The following COL6A6 variants were observed in gnomAD, a reference collection of about 807,000 sequenced individuals.
The protein encoded by COL6A6 is collagen type VI alpha 6 chain.
COL6A6 carries 183 observed loss-of-function variants against 208.6 expected under a neutral mutation model. That is an observed-to-expected ratio of 0.88 (90% CI 0.78 to 0.99). The LOEUF is 0.99. Ranked by LOEUF, COL6A6 falls within the 50% of genes least tolerant of loss-of-function variation. The pLI, the probability that COL6A6 is intolerant of heterozygous loss-of-function variation, is 0.00. For synonymous variants in COL6A6, 973 were observed against 1,011.8 expected, an observed-to-expected ratio of 0.96 and a Z score of 0.73; for missense variants, 2,816 against 2,815.2, an observed-to-expected ratio of 1.00 and a Z score of -0.01.
At chr3:130,629,060 G>A (rs1209682116) in intron 26 of COL6A6, among the ~76,000 whole-genome samples, 1 of 57,384 alleles carries the variant, frequency 1.7e-5, no homozygotes, top group Non-Finnish European at 2.7e-5. Context: ...TGATTTTGAC[G>A]AGCTGAGAGA....
intron 20 of COL6A6, among the ~76,000 whole-genome samples, chr3:130,605,250 TA>T (rs2064147905): frequency 6.6e-6 from 1 of 152,194 alleles, no homozygotes; most frequent in Admixed American, 6.5e-5. Context: ...TTGCTTTCTT[TA>T]AAACTTGTAT....
chr3:130,622,590 G>T, intron 24 of COL6A6, among the ~76,000 whole-genome samples: 1 of 152,144 alleles, frequency 6.6e-6, no homozygotes, highest in East Asian at 1.9e-4. Context: ...GGGCGTGGTG[G>T]CTCACGCCTG....
intron 3 of COL6A6, 126 bp downstream of exon 3, chr3:130,563,790 C>T (rs2062952767): frequency 3.0e-6 from 2 of 656,714 alleles, no homozygotes; most frequent in Non-Finnish European, 5.2e-6. Flanking sequence ...ATGTTATGTA[C>T]CCATCGTTTA....
chr3:130,592,026 T>C (rs954623309), intron 13 of COL6A6, among the ~76,000 whole-genome samples: 1 of 152,164 alleles, frequency 6.6e-6, no homozygotes, highest in Non-Finnish European at 1.5e-5. Context: ...GGAAGATATA[T>C]GTGGCAAGTA....
intron 10 of COL6A6, 23 bp from the exon 11 acceptor site, chr3:130,586,483 A>G (rs779144166): frequency 4.7e-5 from 75 of 1,587,604 alleles, no homozygotes; most frequent in Non-Finnish European, 6.2e-5. Flanking sequence ...CTCACCTGGA[A>G]CATTGTAAAC....
chr3:130,580,605 A>G (rs2063396193), intron 8 of COL6A6, among the ~76,000 whole-genome samples: 1 of 152,206 alleles, frequency 6.6e-6, no homozygotes, highest in South Asian at 2.1e-4. Context: ...ACAACCACTC[A>G]TTTTATCAAG....
intron 20 of COL6A6, among the ~76,000 whole-genome samples, chr3:130,603,862 G>T (rs2064100236): frequency 1.3e-5 from 2 of 151,936 alleles, no homozygotes; most frequent in Admixed American, 1.3e-4. Flanking sequence ...CTAGGAAATT[G>T]GGCCCTGTAA....
rs764994836 is a variant in COL6A6 at position 130,594,314 on chromosome 3, C to T, written c.4504C>T (p.Arg1502Cys). 29 of 1,613,176 alleles carry T rather than the reference C, an allele frequency of 1.8e-5. No homozygotes were observed. The highest frequency in any genetic ancestry group is 8.9e-5 in the East Asian group (4 of 44,874). ...SPGKRGTPGDRGAKGLRGDPG... is the reference protein window; with the variant it reads ...SPGKRGTPGDCGAKGLRGDPG... Reference sequence around the variant, plus strand: ...AGGGAAGAGAGGGACTCCTGGTGACCGTGGAGCAAAGGGCCTGCGAGGGGA... The same window carrying T: ...AGGGAAGAGAGGGACTCCTGGTGACTGTGGAGCAAAGGGCCTGCGAGGGGA... Residue 1502 changes from arginine (R) to cysteine (C), a missense_variant, in exon 18 of 37, where the codon CGT becomes TGT. Coordinates refer to ENST00000358511, the MANE Select transcript of COL6A6 (RefSeq NM_001102608.3).
intron 4 of COL6A6, among the ~76,000 whole-genome samples, chr3:130,566,395 C>T (rs944153843): frequency 5.3e-5 from 8 of 152,110 alleles, no homozygotes; most frequent in Non-Finnish European, 1.2e-4. Context: ...TTTTGCTAAG[C>T]AGTTATTTAC....
rs943386839 is a variant in COL6A6, at chr3:130,571,504, C to T, written c.2977+111C>T. ...TTTTCCAGAGAGGAGAGAAGGAGCT[C>T]TAATTGTTTCATAGGACTTTCTATA... On this transcript the variant is annotated intron_variant, in intron 7 of 36. Transcript: ENST00000358511. 290 of 719,650 alleles carry T rather than the reference C, an allele frequency of 4.0e-4. 4 individuals carry two copies. The highest frequency in any genetic ancestry group is 2.9e-3 in the South Asian group (141 of 48,072). 44.6% of individuals were successfully genotyped at this position (719,650 alleles called of 1,614,324 possible). A position where few individuals can be genotyped will look rare whatever the true frequency, so the allele number is the denominator to read the frequency against.
At chr3:130,547,798 A>G (rs929190748) in intron 1 of COL6A6, among the ~76,000 whole-genome samples, 5 of 151,958 alleles carry the variant, frequency 3.3e-5, no homozygotes, top group African/African-American at 1.2e-4. Context: ...TAGTTGTTTT[A>G]TTTATTTATT....
chr3:130,575,720 T>G (rs73868916), intron 8 of COL6A6, among the ~76,000 whole-genome samples: 10,997 of 152,102 alleles, frequency 0.072, 1,327 homozygotes, highest in African/African-American at 0.25. Flanking sequence ...GGGGAACAAC[T>G]AAAAGGGTAC....
Position 130,565,457 on chromosome 3 carries a change from G to A in COL6A6, c.1125G>A (p.Leu375=). The A allele has an allele frequency of 2.5e-6, 4 of 1,613,916 alleles. No individual in the cohort carries two copies. Among genetic ancestry groups the A allele is most frequent in the Middle Eastern group, 1.6e-4 (1 of 6,062 alleles). Residue 375 remains leucine, a synonymous_variant, in exon 4 of 37, where the codon TTG becomes TTA. Coordinates refer to ENST00000358511, the MANE Select transcript of COL6A6 (RefSeq NM_001102608.3). ...LGIEGASDTQ[L]EKIASHPAEQ... ...TAGAGGGCGCCAGCGACACCCAGTT[G>A]GAAAAGATAGCATCCCACCCTGCTG...
At position 130,567,132 on chromosome 3, in the gene COL6A6, GA is replaced by G. The variant is rs1560000858; in HGVS notation, c.1714del (p.Ile572SerfsTer9). ...EEHIRVYAIG[I>X]KEANQTQLRE... Reference sequence around the variant, plus strand: ...AGCACATCCGAGTTTATGCTATCGGGATCAAGGAGGCCAACCAAACACAGCT... The same window carrying G: ...AGCACATCCGAGTTTATGCTATCGGGTCAAGGAGGCCAACCAAACACAGCT... On this transcript the variant is annotated frameshift_variant, in exon 5 of 37. Transcript: ENST00000358511. LOFTEE classifies it high-confidence loss of function. 1 of 1,614,006 alleles carries G rather than the reference GA, an allele frequency of 6.2e-7. No homozygotes were observed. The highest frequency in any genetic ancestry group is 1.7e-5 in the Admixed American group (1 of 60,026).
Position 130,593,235 on chromosome 3 carries a change from G to A in COL6A6, c.4453G>A (p.Gly1485Arg), listed in dbSNP as rs557975446. Residue 1485 changes from glycine (G) to arginine (R), a missense_variant, in exon 17 of 37, where the codon GGA becomes AGA. Coordinates refer to ENST00000358511, the MANE Select transcript of COL6A6 (RefSeq NM_001102608.3). ...NGLPGRKGEK[G>R]DEGSQGSPGK... Reference sequence around the variant, plus strand: ...TCTTCCTGGAAGAAAAGGAGAAAAGGGAGATGAGGGATCTCAGGTAGGGAT... The same window carrying A: ...TCTTCCTGGAAGAAAAGGAGAAAAGAGAGATGAGGGATCTCAGGTAGGGAT... The A allele has an allele frequency of 3.1e-6, 5 of 1,612,438 alleles. No individual in the cohort carries two copies. The African/African-American group carries it at 6.7e-5, about 22-fold the overall frequency.
chr3:130,560,485 G>A, intron 2 of COL6A6, 57 bp downstream of exon 2: 1 of 1,430,148 alleles, frequency 7.0e-7, no homozygotes, highest in Admixed American at 1.9e-5. Context: ...GATAATACAT[G>A]AGTTTGACCT....
intron 27 of COL6A6, among the ~76,000 whole-genome samples, chr3:130,635,346 G>T (rs945366637): frequency 2.6e-5 from 4 of 152,220 alleles, no homozygotes; most frequent in Non-Finnish European, 5.9e-5. Context: ...TAGATAACTA[G>T]TTAGCAATGA....
At chr3:130,545,580 A>C (rs927496164) in intron 1 of COL6A6, among the ~76,000 whole-genome samples, 5 of 151,410 alleles carry the variant, frequency 3.3e-5, no homozygotes, top group African/African-American at 9.7e-5. Context: ...CAGCCTCCTG[A>C]GTAGCTGGGA....
rs367687833 is a variant in COL6A6, at chr3:130,643,017, C to T, written c.5221C>T (p.Arg1741Cys). The T allele has an allele frequency of 8.7e-6, 14 of 1,613,480 alleles. No homozygotes were observed. In the African/African-American group the frequency reaches 1.2e-4, roughly 14 times the overall value. ...TGAGCTCATTCAGTATGTGCGAGACCGCAGTCGTAAGTACCCTGCTTAAAA... is the reference window on the plus strand; with the variant it reads ...TGAGCTCATTCAGTATGTGCGAGACTGCAGTCGTAAGTACCCTGCTTAAAA... ...TCELIQYVRD[R>C]SPGRHGKPEC... Residue 1741 changes from arginine to cysteine, a missense_variant, in exon 31 of 37, where the codon CGC (arginine) becomes TGC (cysteine). Physicochemically the swap from Arg to Cys is radical, Grantham distance 180. Transcript: ENST00000358511.
Sources: gnomAD v4.1 joint callset for allele counts (sites outside exome capture counted in the v4.1 genomes callset) on GRCh38, gnomAD v4.1.1 for gene constraint, MANE v1.5 for transcripts, NCBI Gene and HGNC (gene_info 2026-07-23, HGNC 2026-07-21) for gene names.